TMEM232: variants seen among roughly 807,000 people sequenced by gnomAD.
The protein encoded by TMEM232 is transmembrane protein 232.
A neutral mutation model predicts 78.8 loss-of-function variants in TMEM232; 80 were observed. The ratio of observed to expected loss-of-function variants is 1.01; its 90% CI spans 0.85 to 1.22. TMEM232 has a LOEUF of 1.22. Ranked by LOEUF, TMEM232 falls within the 50% of genes most tolerant of loss-of-function variation. The probability of loss-of-function intolerance (pLI) is 0.00; values close to 1 mark genes in which losing one functional copy is unlikely to be tolerated. For synonymous variants in TMEM232, 297 were observed against 254.3 expected (o/e 1.17, Z -1.60); for missense variants, 881 against 742.2 (o/e 1.19, Z -2.17).
chr5:110,536,941 T>C (rs1772435837), intron 11 of TMEM232, among the ~76,000 whole-genome samples: 1 of 152,120 alleles, frequency 6.6e-6, no homozygotes, highest in Non-Finnish European at 1.5e-5. Flanking sequence ...GGGTCATCAG[T>C]GGTGGAGGGA....
chr5:110,689,001 C>G (rs998821638), intron 1 of TMEM232, among the ~76,000 whole-genome samples: 6 of 152,188 alleles, frequency 3.9e-5, no homozygotes, highest in Non-Finnish European at 8.8e-5. Context: ...AAGATTCCCC[C>G]CATTTTTCCT....
chr5:110,399,154 C>T (rs1234497693), intron 2 of TMEM232, among the ~76,000 whole-genome samples: 1 of 152,060 alleles, frequency 6.6e-6, no homozygotes, highest in African/African-American at 2.4e-5. Context: ...GCTTACACAG[C>T]ACAAAGAAAG....
intron 12 of TMEM232, among the ~76,000 whole-genome samples, chr5:110,494,529 A>G (rs1183902632): frequency 6.6e-6 from 1 of 152,108 alleles, no homozygotes; most frequent in Non-Finnish European, 1.5e-5. Flanking sequence ...TTCAGAGTGC[A>G]GGGAGGGAAA....
At chr5:110,654,522 T>A (rs922956991) in intron 2 of TMEM232, among the ~76,000 whole-genome samples, 1 of 152,200 alleles carries the variant, frequency 6.6e-6, no homozygotes, top group Non-Finnish European at 1.5e-5. Flanking sequence ...TGTTTTGGTA[T>A]CAGTACCATG....
At chr5:110,491,134 C>A (rs936585638) in intron 12 of TMEM232, among the ~76,000 whole-genome samples, 1 of 151,226 alleles carries the variant, frequency 6.6e-6, no homozygotes, top group Admixed American at 6.6e-5. Flanking sequence ...TGATAACAGA[C>A]AACTAACCCA....
intron 12 of TMEM232, among the ~76,000 whole-genome samples, chr5:110,510,328 CT>C (rs1174164956): frequency 1.8e-4 from 27 of 152,178 alleles, no homozygotes; most frequent in Non-Finnish European, 3.2e-4. Context: ...TTCCATCATT[CT>C]TTGTCTTAGT....
chr5:110,655,963 G>A (rs904395707), intron 2 of TMEM232, among the ~76,000 whole-genome samples: 3 of 149,480 alleles, frequency 2.0e-5, no homozygotes, highest in Non-Finnish European at 4.4e-5. Flanking sequence ...GCTAAATGAC[G>A]AGTTAGTGGG....
chr5:110,652,294 G>GCGCACACACACA (rs1554069154), intron 2 of TMEM232, among the ~76,000 whole-genome samples: 5,774 of 145,400 alleles, frequency 0.04, 140 homozygotes, highest in Admixed American at 0.071. Context: ...GCACGCGCGC[G>GCGCACACACACA]CACACACACA....
intron 1 of TMEM232, among the ~76,000 whole-genome samples, chr5:110,697,320 T>G (rs1165962423): frequency 1.3e-5 from 2 of 152,142 alleles, no homozygotes; most frequent in African/African-American, 4.8e-5. Flanking sequence ...AAGACTTACA[T>G]GTCAGACCTA....
At chr5:110,449,983 G>C (rs969521991) in intron 12 of TMEM232, among the ~76,000 whole-genome samples, 2 of 152,108 alleles carry the variant, frequency 1.3e-5, no homozygotes, top group African/African-American at 4.8e-5. Context: ...GGTGAGGGAC[G>C]TGGAGGGAGG....
chr5:110,637,878 G>T (rs1481077634), intron 5 of TMEM232, among the ~76,000 whole-genome samples: 2 of 151,792 alleles, frequency 1.3e-5, no homozygotes, highest in Non-Finnish European at 2.9e-5. Flanking sequence ...TGGCAAAGGA[G>T]GTGGCATTTA....
At chr5:110,603,741 C>T (rs543493546) in intron 10 of TMEM232, among the ~76,000 whole-genome samples, 1 of 151,916 alleles carries the variant, frequency 6.6e-6, no homozygotes, top group East Asian at 1.9e-4. Flanking sequence ...TTAAAATTGG[C>T]ACCAATAAAA....
At position 110,495,290 on chromosome 5, in the gene TMEM232, A is replaced by C. The variant is rs1765527636; in HGVS notation, c.1703+33298T>G. ...GTTCTCAATCTTGGCTGTATACTGC[A>C]ATCACCTAAGGGAGTTTTAAAATAA... On this transcript the variant is annotated intron_variant, in intron 12 of 13. Transcript: ENST00000455884. Among the ~76,000 whole-genome samples, 6 of 152,004 alleles carry C rather than the reference A, an allele frequency of 3.9e-5. 1 individual carries two copies. In the South Asian group the frequency reaches 1.2e-3, roughly 31 times the overall value.
intron 12 of TMEM232, among the ~76,000 whole-genome samples, chr5:110,495,844 T>C (rs1277244681): frequency 1.3e-5 from 2 of 151,480 alleles, no homozygotes; most frequent in Non-Finnish European, 3.0e-5. Flanking sequence ...GATAATTCTA[T>C]TATTAAATAT....
At chr5:110,653,324 A>C (rs116774462) in intron 2 of TMEM232, among the ~76,000 whole-genome samples, 1,785 of 152,346 alleles carry the variant, frequency 0.012, 45 homozygotes, top group African/African-American at 0.04. Flanking sequence ...CTGTAGAAAC[A>C]GTGAAAAAAT....
intron 12 of TMEM232, among the ~76,000 whole-genome samples, chr5:110,480,707 T>C (rs971740636): frequency 3.3e-5 from 5 of 152,100 alleles, no homozygotes; most frequent in Admixed American, 3.3e-4. Flanking sequence ...GATTCTATTT[T>C]ATACTATAGG....
chr5:110,685,665 AAC>A (rs537420111), intron 1 of TMEM232, among the ~76,000 whole-genome samples: 11 of 152,158 alleles, frequency 7.2e-5, no homozygotes, highest in Non-Finnish European at 1.3e-4. Context: ...AAGCAATGAA[AAC>A]ACTGTCATAA....
chr5:110,638,775 G>A lies in TMEM232; in HGVS notation c.344-420C>T, dbSNP rs964229799. Among the ~76,000 whole-genome samples, 6 of 152,220 alleles carry A rather than the reference G, an allele frequency of 3.9e-5. No individual in the cohort carries two copies. The South Asian group carries it at 8.3e-4, about 21-fold the overall frequency. On this transcript the variant is annotated intron_variant, in intron 4 of 13. Coordinates refer to ENST00000455884, the MANE Select transcript of TMEM232 (RefSeq NM_001039763.4). ...CTAGAGGAAGGAAGAAATGTCCAAG[G>A]GGGCTCAGCTATTATAGATCCAACA... is the stretch of plus-strand genomic sequence containing the variant.
At chr5:110,543,788 C>A (rs1442039828) in intron 11 of TMEM232, among the ~76,000 whole-genome samples, 1 of 152,112 alleles carries the variant, frequency 6.6e-6, no homozygotes, top group Non-Finnish European at 1.5e-5. Context: ...CTAACCTCTG[C>A]CATGCCAAAA....
Sources: allele counts gnomAD v4.1 joint callset (sites outside exome capture counted in the v4.1 genomes callset), GRCh38; gene constraint gnomAD v4.1.1; transcripts MANE v1.5; gene names NCBI Gene and HGNC (gene_info 2026-07-23, HGNC 2026-07-21).